The following AGRN variants were observed in gnomAD, a reference collection of about 807,000 sequenced individuals.
AGRN encodes the protein agrin.
AGRN carries 106 observed loss-of-function variants against 211.0 expected under a neutral mutation model. That is an observed-to-expected ratio of 0.50 (90% CI 0.43 to 0.59). The LOEUF (loss-of-function observed/expected upper bound fraction) is 0.59. Among genes scored for constraint, AGRN ranks in the 20% least tolerant of loss-of-function variants. The pLI, the probability that AGRN is intolerant of heterozygous loss-of-function variation, is 0.00. For missense variants in AGRN, 3,040 were observed against 2,982.6 expected (o/e 1.02, Z -0.45); for synonymous variants, 1,525 against 1,332.5 (o/e 1.14, Z -3.15).
rs759853904 is a variant in AGRN at position 1,046,736 on chromosome 1, G to A, written c.3250+1G>A. On this transcript the variant is annotated splice_donor_variant, in intron 18 of 35. Coordinates refer to ENST00000379370, the MANE Select transcript of AGRN (RefSeq NM_198576.4). LOFTEE classifies it high-confidence loss of function. Reference sequence around the variant, plus strand: ...GAGGCCAGTGGGGGTGGCTCTGGGGGTGAGCAGGGATCAAGGACTTGGGGT... The same window carrying A: ...GAGGCCAGTGGGGGTGGCTCTGGGGATGAGCAGGGATCAAGGACTTGGGGT... 14 of 1,581,066 alleles carry A rather than the reference G, an allele frequency of 8.9e-6. No individual in the cohort carries two copies. In the Admixed American group the frequency reaches 1.7e-4, roughly 19 times the overall value.
At chr1:1,050,397 C>A in intron 28 of AGRN, 30 bp from the exon 29 acceptor site, 1 of 1,612,758 alleles carries the variant, frequency 6.2e-7, no homozygotes, top group African/African-American at 1.3e-5. Context: ...GAGGGGACAG[C>A]AAAGACACCC....
At position 1,047,777 on chromosome 1, in the gene AGRN, C is replaced by G. The variant is rs1570230884; in HGVS notation, c.3633C>G (p.Thr1211=). Residue 1211 remains threonine, a splice_region_variant and synonymous_variant, in exon 22 of 36, where the codon ACC becomes ACG. Coordinates refer to ENST00000379370, the MANE Select transcript of AGRN (RefSeq NM_198576.4). ...TGCTCAGAGCTCCCTCCTCCCCAGC[C>G]ACAGCCTTCAGGGCACCCGACGTGG... is the stretch of plus-strand genomic sequence containing the variant. ...RAIVDVHFDP[T]TAFRAPDVAR... is the part of the protein sequence containing the mutation. The G allele has an allele frequency of 6.2e-7, 1 of 1,608,456 alleles. No individual in the cohort carries two copies. Among genetic ancestry groups the G allele is most frequent in the East Asian group, 2.2e-5 (1 of 44,626 alleles).
rs1645038075 is a variant in AGRN, at chr1:1,044,535, C to T, written c.2254+96C>T. The stretch of plus-strand genomic sequence containing the variant: ...CGTGCCCGTGTGCTGCGTTGGGCCC[C>T]TGTGGACGTGTGTATTGTGTTGTAA... On this transcript the variant is annotated intron_variant, in intron 12 of 35. Transcript: ENST00000379370. 27 of 1,273,744 alleles carry T rather than the reference C, an allele frequency of 2.1e-5. No homozygotes were observed. In the South Asian group the frequency reaches 3.2e-4, roughly 15 times the overall value. The allele number at this position is 1,273,744 out of a possible 1,614,324, so 78.9% of individuals were successfully genotyped here. A position where few individuals can be genotyped will look rare whatever the true frequency, so the allele number is the denominator to read the frequency against.
intron 24 of AGRN, 65 bp from the exon 25 acceptor site, chr1:1,049,171 A>G (rs1208368436): frequency 2.2e-6 from 2 of 924,892 alleles, no homozygotes; most frequent in Non-Finnish European, 2.8e-6. Context: ...GGGGCGGGGC[A>G]GCTCAGGTAG....
chr1:1,050,126 T>G, intron 27 of AGRN, 89 bp downstream of exon 27: 1 of 1,584,664 alleles, frequency 6.3e-7, no homozygotes, highest in Non-Finnish European at 8.6e-7. Context: ...GCAGTTAGGA[T>G]GCGGCTCAGT....
Position 1,047,694 on chromosome 1 carries a change from C to A in AGRN, c.3631+7C>A. The A allele has an allele frequency of 6.2e-7, 1 of 1,613,038 alleles. No homozygotes were observed. Among genetic ancestry groups the A allele is most frequent in the Non-Finnish European group, 8.5e-7 (1 of 1,180,006 alleles). ...GATGTGCACTTTGACCCCAGTGAGA[C>A]CTGCACCCTGGACCCTTCCTGGGAG... On this transcript the variant is annotated splice_region_variant and intron_variant, in intron 21 of 35. Coordinates refer to ENST00000379370, the MANE Select transcript of AGRN (RefSeq NM_198576.4).
chr1:1,049,843 G>A (rs780570485), intron 26 of AGRN, 48 bp downstream of exon 26: 3 of 1,611,140 alleles, frequency 1.9e-6, no homozygotes, highest in Non-Finnish European at 8.5e-7. Flanking sequence ...GGGGCCTGTG[G>A]GCGGTACCCA....
At position 1,022,314 on chromosome 1, in the gene AGRN, C is replaced by A. The variant is rs1469687509; in HGVS notation, c.315C>A (p.Asn105Lys). ...TTGGAGACCCCCTCATCTGTGACAACCAGGTGTCCACTGGGGACACCAGGA... is the reference window on the plus strand; with the variant it reads ...TTGGAGACCCCCTCATCTGTGACAAACAGGTGTCCACTGGGGACACCAGGA... ...SGFGDPLICD[N>K]QVSTGDTRIF... is the part of the protein sequence containing the mutation. Residue 105 changes from asparagine to lysine, a missense_variant, in exon 2 of 36, where the codon AAC becomes AAA. Asn to Lys is a moderately conservative substitution (Grantham distance 94). Around this residue, in one of 3 missense-constraint regions of AGRN, gnomAD observed 1,498 missense variants for 1,457.8 expected, o/e 1.03. Transcript: ENST00000379370. 6.2e-7 allele frequency: 1 copy of A among 1,613,390 alleles called. No individual in the cohort carries two copies. The highest frequency in any genetic ancestry group is 1.1e-5 in the South Asian group (1 of 91,080).
intron 2 of AGRN, among the ~76,000 whole-genome samples, chr1:1,030,798 T>C (rs1016774398): frequency 1.6e-5 from 2 of 124,034 alleles, no homozygotes; most frequent in African/African-American, 3.3e-5. Context: ...CAGTGCATGG[T>C]GCTGTGAGAT....
intron 33 of AGRN, chr1:1,052,710 GTA>G (rs1491234991): frequency 6.4e-6 from 1 of 157,240 alleles, no homozygotes; most frequent in East Asian, 1.9e-4. Flanking sequence ...GTATGTGTGT[GTA>G]TATGAGGGAG....
Position 1,043,989 on chromosome 1 carries a change from G to A in AGRN, c.1965G>A (p.Gln655=), listed in dbSNP as rs747470189. 1.2e-6 allele frequency: 2 copies of A among 1,606,600 alleles called. No homozygotes were observed. Among genetic ancestry groups the A allele is most frequent in the Non-Finnish European group, 1.7e-6 (2 of 1,178,930 alleles). ...LREAACLQQT[Q]IEEARAGPCE... is the part of the protein sequence containing the mutation. ...AAGCCGCCTGCCTCCAGCAGACACA[G>A]ATCGAGGAGGCCCGGGCAGGGCCGT... Residue 655 remains glutamine (Q), a synonymous_variant, in exon 10 of 36, where the codon CAG becomes CAA. Transcript: ENST00000379370.
At chr1:1,051,701 C>T (rs1235380721) in intron 32 of AGRN, 27 bp from the exon 33 acceptor site, 3 of 1,613,172 alleles carry the variant, frequency 1.9e-6, no homozygotes, top group African/African-American at 2.7e-5. Context: ...GCCCACGAGG[C>T]CCCACCCTCA....
rs1474940071 is a variant in AGRN, at chr1:1,054,472, G to A, written c.5901G>A (p.Gln1967=). ...GGGAGCAGAGGGAAGGTTCCCTGCA[G>A]GTGGGCAATGAGGCCCCTGTGACCG... ...AHREQREGSL[Q]VGNEAPVTGS... The change falls in exon 35 of 36, where the codon CAG becomes CAA. Residue 1967 remains glutamine, a synonymous_variant. Coordinates refer to ENST00000379370, the MANE Select transcript of AGRN (RefSeq NM_198576.4). The A allele has an allele frequency of 1.4e-5, 22 of 1,597,802 alleles. No homozygotes were observed. The highest frequency in any genetic ancestry group is 1.7e-5 in the Non-Finnish European group (20 of 1,172,846).
chr1:1,034,475 GC>G, intron 2 of AGRN: 4 of 985,654 alleles, frequency 4.1e-6, no homozygotes, highest in Non-Finnish European at 4.8e-6. Context: ...GATGGGGCGA[GC>G]AGCCCTGAAG....
At chr1:1,051,966 C>G in intron 33 of AGRN, 151 bp downstream of exon 33, 1 of 1,547,650 alleles carries the variant, frequency 6.5e-7, no homozygotes, top group Non-Finnish European at 8.7e-7. Flanking sequence ...CCTCCCGCCT[C>G]TCACTGTCTG....
At chr1:1,021,172 C>T (rs756458136) in intron 1 of AGRN, among the ~76,000 whole-genome samples, 1 of 152,200 alleles carries the variant, frequency 6.6e-6, no homozygotes, top group East Asian at 1.9e-4. Context: ...TCAGACTGGC[C>T]GGTGCGGGCT....
intron 2 of AGRN, among the ~76,000 whole-genome samples, chr1:1,029,324 G>A (rs1340288227): frequency 2.0e-5 from 3 of 151,388 alleles, no homozygotes; most frequent in Admixed American, 6.6e-5. Context: ...GGGGTTGAGG[G>A]ACAAAATTAA....
At chr1:1,034,448 C>T (rs1248254084) in intron 2 of AGRN, 8 of 985,584 alleles carry the variant, frequency 8.1e-6, no homozygotes, top group African/African-American at 1.7e-5. Flanking sequence ...TGCTGTCCGC[C>T]GCCCCAGGGG....
intron 2 of AGRN, chr1:1,035,033 C>T (rs1174155805): frequency 8.3e-6 from 5 of 600,702 alleles, no homozygotes; most frequent in Admixed American, 5.8e-5. Context: ...GTGGCTGGGG[C>T]CCCATCTGAC....
Sources: gnomAD v4.1 joint callset for allele counts (sites outside exome capture counted in the v4.1 genomes callset) on GRCh38, gnomAD v4.1.1 for gene constraint, gnomAD v4.1.1 regional missense constraint, MANE v1.5 for transcripts, NCBI Gene and HGNC (gene_info 2026-07-23, HGNC 2026-07-21) for gene names.